The following BSN variants were observed in gnomAD, a reference collection of about 807,000 sequenced individuals.
The protein encoded by BSN is bassoon presynaptic cytomatrix protein.
BSN carries 57 observed loss-of-function variants against 264.8 expected under a neutral mutation model. The ratio of observed to expected loss-of-function variants is 0.22; its 90% CI spans 0.17 to 0.27. BSN has a LOEUF of 0.27. Among genes scored for constraint, BSN ranks in the 10% least tolerant of loss-of-function variants. The pLI is 1.00. For missense variants in BSN, 4,615 were observed against 5,232.5 expected (o/e 0.88, Z 3.64); for synonymous variants, 2,059 against 2,137.3 (o/e 0.96, Z 1.01).
intron 1 of BSN, among the ~76,000 whole-genome samples, chr3:49,559,820 A>G (rs1438861091): frequency 6.6e-6 from 1 of 152,208 alleles, no homozygotes. Flanking sequence ...AATTCTGTCT[A>G]GAAGCTAATC....
intron 1 of BSN, among the ~76,000 whole-genome samples, chr3:49,564,164 G>A (rs2051735699): frequency 6.6e-6 from 1 of 152,178 alleles, no homozygotes; most frequent in Non-Finnish European, 1.5e-5. Context: ...AGAGAACAGG[G>A]TCCAGGGCTC....
chr3:49,632,842 T>TAA (rs2052391938), intron 2 of BSN, among the ~76,000 whole-genome samples: 1 of 152,084 alleles, frequency 6.6e-6, no homozygotes, highest in African/African-American at 2.4e-5. Flanking sequence ...GATACACACC[T>TAA]GTCTTCCCAG....
chr3:49,611,486 G>C (rs1469309919), intron 1 of BSN, among the ~76,000 whole-genome samples: 1 of 152,172 alleles, frequency 6.6e-6, no homozygotes, highest in African/African-American at 2.4e-5. Context: ...GGCTGCATCA[G>C]AACTCCTGGG....
chr3:49,643,291 G>C, intron 3 of BSN, 139 bp downstream of exon 3: 1 of 1,401,060 alleles, frequency 7.1e-7, no homozygotes, highest in Non-Finnish European at 9.4e-7. Context: ...CTGCAGAGGG[G>C]CTGCATTCCC....
At chr3:49,583,904 C>T (rs1183484885) in intron 1 of BSN, among the ~76,000 whole-genome samples, 5 of 152,046 alleles carry the variant, frequency 3.3e-5, no homozygotes, top group East Asian at 1.9e-4. Context: ...GATGGAGTCT[C>T]GCACTGTCGC....
chr3:49,643,843 T>C (rs1367569767), intron 3 of BSN, among the ~76,000 whole-genome samples: 3 of 152,132 alleles, frequency 2.0e-5, no homozygotes, highest in African/African-American at 4.8e-5. Context: ...TTGTGGCCAT[T>C]CTCTCCGCAG....
Position 49,657,071 on chromosome 3 carries a change from T to C in BSN, c.7515T>C (p.Leu2505=). 5 of 1,609,658 alleles carry C rather than the reference T, an allele frequency of 3.1e-6. No individual in the cohort carries two copies. The highest frequency in any genetic ancestry group is 4.2e-6 in the Non-Finnish European group (5 of 1,177,280). Residue 2505 remains leucine (L), a synonymous_variant, in exon 5 of 12, where the codon CTT becomes CTC. Coordinates refer to ENST00000296452, the MANE Select transcript of BSN (RefSeq NM_003458.4). ...AGAATGGCCAGTATTGGCCCCCCCT[T>C]ACACATGCAGCCTTCATTGCCATGG... ...LAQNGQYWPP[L]THAAFIAMAG...
chr3:49,604,694 C>G (rs1317835899), intron 1 of BSN, among the ~76,000 whole-genome samples: 4 of 152,126 alleles, frequency 2.6e-5, no homozygotes, highest in African/African-American at 9.7e-5. Flanking sequence ...GCCTGGTGGA[C>G]AGCTGGAGCA....
intron 1 of BSN, among the ~76,000 whole-genome samples, chr3:49,597,330 T>A (rs2052031781): frequency 6.6e-6 from 1 of 152,146 alleles, no homozygotes; most frequent in African/African-American, 2.4e-5. Context: ...TTCTTTTCTG[T>A]TTTTAGAGAC....
At position 49,664,963 on chromosome 3, in the gene BSN, G is replaced by A. The variant is rs1344351306; in HGVS notation, c.*14+110G>A. ...GTCCTCTGGGAGGAGTCCAGTCTTC[G>A]GCTGGTTCAGTACCCAGAGCTGCAA... On this transcript the variant is annotated intron_variant, in intron 10 of 11. Coordinates refer to ENST00000296452, the MANE Select transcript of BSN (RefSeq NM_003458.4). 96 of 808,632 alleles carry A rather than the reference G, an allele frequency of 1.2e-4. No homozygotes were observed. In the South Asian group the frequency reaches 1.3e-3, roughly 11 times the overall value. 50.1% of individuals were successfully genotyped at this position (808,632 alleles called of 1,614,324 possible).
At chr3:49,626,888 A>T (rs914654740) in intron 2 of BSN, among the ~76,000 whole-genome samples, 6 of 152,200 alleles carry the variant, frequency 3.9e-5, no homozygotes, top group African/African-American at 1.4e-4. Context: ...TTCCTCACCA[A>T]ACCATGGCCC....
chr3:49,563,673 A>T (rs1485511107), intron 1 of BSN, among the ~76,000 whole-genome samples: 1 of 152,218 alleles, frequency 6.6e-6, no homozygotes, highest in Non-Finnish European at 1.5e-5. Context: ...CTTCCTTCCG[A>T]AGTGTGGTTT....
chr3:49,609,653 G>A (rs549934667), intron 1 of BSN, among the ~76,000 whole-genome samples: 70 of 152,150 alleles, frequency 4.6e-4, no homozygotes, highest in Non-Finnish European at 8.8e-4. Flanking sequence ...GGTGGGAAGA[G>A]TGAGCACTTA....
At position 49,643,058 on chromosome 3, in the gene BSN, G is replaced by T; in HGVS notation, c.1424G>T (p.Gly475Val). ...CTGTGCCAAGCCGAGCTCAACGTGG[G>T]CAGCAAGAGCCCAGCCAACTATAAC... ...CPLCQAELNV[G>V]SKSPANYNTC... The change falls in exon 3 of 12, where the codon GGC becomes GTC. Residue 475 changes from glycine to valine, a missense_variant. Transcript: ENST00000296452. The T allele has an allele frequency of 3.7e-6, 6 of 1,614,066 alleles. No homozygotes were observed. The South Asian group carries it at 5.5e-5, about 15-fold the overall frequency.
At chr3:49,628,306 G>A (rs2052358543) in intron 2 of BSN, among the ~76,000 whole-genome samples, 1 of 152,172 alleles carries the variant, frequency 6.6e-6, no homozygotes, top group Non-Finnish European at 1.5e-5. Flanking sequence ...ACAGAAAGGA[G>A]GGAAAGAACT....
rs115605169 is a variant in BSN at position 49,596,679 on chromosome 3, C to G, written c.225-28296C>G. On this transcript the variant is annotated intron_variant, in intron 1 of 11. Transcript: ENST00000296452. ...CTTTTTTGAAAATTCTAGAGAGGGT[C>G]TCACTATTTTGCCCAGGATGGAGTG... Among the ~76,000 whole-genome samples, 732 of 152,152 alleles carry G rather than the reference C, an allele frequency of 4.8e-3. 8 individuals are homozygous for G. Among genetic ancestry groups the G allele is most frequent in the African/African-American group, 0.017 (690 of 41,498 alleles).
chr3:49,628,632 T>A (rs1418093338), intron 2 of BSN, among the ~76,000 whole-genome samples: 2 of 152,236 alleles, frequency 1.3e-5, no homozygotes, highest in East Asian at 3.8e-4. Context: ...TGTAGTTTGC[T>A]GGGTTTCTGA....
chr3:49,653,088 G>A lies in BSN; in HGVS notation c.3532G>A (p.Gly1178Arg), dbSNP rs758307631. The change falls in exon 5 of 12, where the codon GGA (glycine) becomes AGA (arginine). Residue 1178 changes from glycine to arginine, a missense_variant. Around this residue, in one of 3 missense-constraint regions of BSN, gnomAD observed 3,415 missense variants for 3,866.4 expected, o/e 0.88. Coordinates refer to ENST00000296452, the MANE Select transcript of BSN (RefSeq NM_003458.4). The surrounding 1 kb of genome is among the most constrained non-coding windows in gnomAD (Gnocchi z 6.3). ...PSGSSTTPSS[G>R]RPLKSAEEAY... ...CGGCAGCTCCACCACTCCCAGTTCC[G>A]GACGGCCGCTCAAGAGCGCTGAGGA... is the stretch of plus-strand genomic sequence containing the variant. 5.6e-6 allele frequency: 9 copies of A among 1,613,414 alleles called. No individual in the cohort carries two copies. Among genetic ancestry groups the A allele is most frequent in the South Asian group, 1.1e-5 (1 of 91,076 alleles).
At position 49,654,274 on chromosome 3, in the gene BSN, A is replaced by G. The variant is rs780611565; in HGVS notation, c.4718A>G (p.His1573Arg). The change falls in exon 5 of 12, where the codon CAT (histidine) becomes CGT (arginine). Residue 1573 changes from histidine to arginine, a missense_variant. By Grantham distance (29) the His-to-Arg change is conservative. This residue lies in a region of BSN where 3,415 missense variants were observed against 3,866.4 expected (regional missense o/e 0.88). Transcript: ENST00000296452. The surrounding 1 kb of genome is among the most constrained non-coding windows in gnomAD (Gnocchi z 4.1). ...GCCTCCAGCCAGACCAGGATGGTAC[A>G]TGCCAGTGCCTCCACCTCCCCGCTC... is the stretch of plus-strand genomic sequence containing the variant. ...SDASSQTRMV[H>R]ASASTSPLCS... The G allele has an allele frequency of 6.2e-7, 1 of 1,613,138 alleles. No individual in the cohort carries two copies. Among genetic ancestry groups the G allele is most frequent in the Non-Finnish European group, 8.5e-7 (1 of 1,179,716 alleles).
Sources: gnomAD v4.1 joint callset for allele counts (sites outside exome capture counted in the v4.1 genomes callset) on GRCh38, gnomAD v4.1.1 for gene constraint, gnomAD v4.1.1 regional missense constraint, Gnocchi (gnomAD v3.1) non-coding constraint, MANE v1.5 for transcripts, NCBI Gene and HGNC (gene_info 2026-07-23, HGNC 2026-07-21) for gene names.